The following ACSS1 variants were observed in gnomAD, a reference collection of about 807,000 sequenced individuals.
ACSS1 encodes the protein acyl-CoA synthetase short chain family member 1, also known as acetyl-coenzyme A synthetase 2-like, mitochondrial.
ACSS1 carries 42 observed loss-of-function variants against 75.3 expected under a neutral mutation model. The observed-to-expected ratio is 0.56, with a 90% CI of 0.44 to 0.72. The LOEUF (loss-of-function observed/expected upper bound fraction) is 0.72. Among genes scored for constraint, ACSS1 ranks in the 30% least tolerant of loss-of-function variants. ACSS1 has a pLI of 0.00. For synonymous variants in ACSS1, 380 were observed against 376.8 expected (o/e 1.01, Z -0.10); for missense variants, 782 against 935.7 (o/e 0.84, Z 2.14).
rs765717375 is a variant in ACSS1, at chr20:25,022,925, C to G, written c.960+15G>C. ...TCCCTGCCAAGGGCCCAGCACCGCC[C>G]GCACAGGCCTGTACCTTGTGAGTCA... On this transcript the variant is annotated intron_variant, in intron 5 of 13. Transcript: ENST00000323482. The G allele has an allele frequency of 3.1e-6, 5 of 1,596,124 alleles. No individual in the cohort carries two copies. The highest frequency in any genetic ancestry group is 1.7e-5 in the Admixed American group (1 of 57,868).
chr20:25,057,800 G>A lies in ACSS1; in HGVS notation c.303C>T (p.Gly101=). The change falls in exon 1 of 14, where the codon GGC becomes GGT. Residue 101 remains glycine, a synonymous_variant. Coordinates refer to ENST00000323482, the MANE Select transcript of ACSS1 (RefSeq NM_032501.4). ...WDCDFSTGKI[G]WFLGGQLNVS... is the part of the protein sequence containing the mutation. ...CATTTAACTGGCCTCCCAGGAACCA[G>A]CCGATCTTGCCAGTGCTGAAGTCGC... 1 of 1,594,424 alleles carries A rather than the reference G, an allele frequency of 6.3e-7. No individual in the cohort carries two copies. Among genetic ancestry groups the A allele is most frequent in the Non-Finnish European group, 8.6e-7 (1 of 1,165,598 alleles).
chr20:25,035,739 C>T (rs925777431), intron 2 of ACSS1, among the ~76,000 whole-genome samples: 9 of 152,194 alleles, frequency 5.9e-5, no homozygotes, highest in Non-Finnish European at 8.8e-5. Context: ...TTTAAACTCT[C>T]ATTTTTCATT....
intron 13 of ACSS1, 27 bp downstream of exon 13, chr20:25,009,243 C>A: frequency 6.6e-7 from 1 of 1,526,128 alleles, no homozygotes; most frequent in Non-Finnish European, 9.1e-7. Context: ...AGCAGCACAG[C>A]CCCATCTTTG....
intron 2 of ACSS1, among the ~76,000 whole-genome samples, chr20:25,040,281 G>T (rs1434898688): frequency 6.6e-6 from 1 of 152,202 alleles, no homozygotes; most frequent in Non-Finnish European, 1.5e-5. Context: ...ACAACACAGG[G>T]CAGCCAACTT....
Position 25,030,920 on chromosome 20 carries a change from A to G in ACSS1, c.470T>C (p.Leu157Pro). 1 of 1,614,232 alleles carries G rather than the reference A, an allele frequency of 6.2e-7. No homozygotes were observed. ...LETTCRLANT[L>P]KRHGVHRGDR... ...CCCACGGTGGACTCCATGCCTCTTC[A>G]GCGTGTTGGCCAGGCGGCACGTGGT... Residue 157 changes from leucine (L) to proline (P), a missense_variant, in exon 3 of 14, where the codon CTG becomes CCG. By Grantham distance (98) the Leu-to-Pro change is moderately conservative. This residue lies in a region of ACSS1 where 377 missense variants were observed against 383.1 expected (regional missense o/e 0.98). Coordinates refer to ENST00000323482, the MANE Select transcript of ACSS1 (RefSeq NM_032501.4).
chr20:25,037,005 A>AAAGGAAGG (rs146710264), intron 2 of ACSS1, among the ~76,000 whole-genome samples: 6,958 of 131,874 alleles, frequency 0.053, 401 homozygotes, highest in East Asian at 0.14. Context: ...AAGAAGAAAG[A>AAAGGAAGG]AAGGAAGGAA....
At chr20:25,013,509 T>G (rs763565033) in intron 10 of ACSS1, 27 bp downstream of exon 10, 3 of 1,568,066 alleles carry the variant, frequency 1.9e-6, no homozygotes, top group African/African-American at 1.4e-5. Flanking sequence ...TGAAAAGGAA[T>G]GAGAGGGTCC....
rs777816209 is a variant in ACSS1, at chr20:25,021,425, C to T, written c.1072G>A (p.Val358Ile). Reference sequence around the variant, plus strand: ...TAAACTGGGGTGCTCTCAAAAAGGACGCTGGTGGCACCATTGCAGAGAGGC... The same window carrying T: ...TAAACTGGGGTGCTCTCAAAAAGGATGCTGGTGGCACCATTGCAGAGAGGC... The part of the protein sequence containing the change: ...YGPLCNGATS[V>I]LFESTPVYPN... Residue 358 changes from valine to isoleucine, a missense_variant, in exon 6 of 14, where the codon GTC (valine) becomes ATC (isoleucine). Coordinates refer to ENST00000323482, the MANE Select transcript of ACSS1 (RefSeq NM_032501.4). 37 of 1,614,044 alleles carry T rather than the reference C, an allele frequency of 2.3e-5. No homozygotes were observed. Among genetic ancestry groups the T allele is most frequent in the African/African-American group, 9.3e-5 (7 of 74,924 alleles).
Position 25,007,568 on chromosome 20 carries a change from T to C in ACSS1, c.*194A>G, listed in dbSNP as rs1485434520. ...CCATGTCGCATAGCCTCTCCATGGG[T>C]GACACTCCTGGGACCTCCAATGGAT... On this transcript the variant is annotated 3_prime_UTR_variant, in exon 14 of 14. Transcript: ENST00000323482. The C allele has an allele frequency of 3.5e-6, 5 of 1,425,594 alleles. No homozygotes were observed. The African/African-American group carries it at 7.2e-5, about 20-fold the overall frequency. 88.3% of individuals were successfully genotyped at this position (1,425,594 alleles called of 1,614,324 possible). A position where few individuals can be genotyped will look rare whatever the true frequency, so the allele number is the denominator to read the frequency against.
chr20:25,039,658 C>G (rs1334182272), intron 2 of ACSS1, among the ~76,000 whole-genome samples: 2 of 152,208 alleles, frequency 1.3e-5, no homozygotes, highest in Non-Finnish European at 2.9e-5. Context: ...ACAGGCAGGT[C>G]AAATCCCACA....
At chr20:25,013,040 G>A in intron 10 of ACSS1, 101 bp from the exon 11 acceptor site, 1 of 1,556,144 alleles carries the variant, frequency 6.4e-7, no homozygotes, top group Non-Finnish European at 8.7e-7. Flanking sequence ...CGCGGCTGAA[G>A]TCTCGCCCAT....
At chr20:25,014,596 A>T (rs1307761399) in intron 8 of ACSS1, among the ~76,000 whole-genome samples, 1 of 152,190 alleles carries the variant, frequency 6.6e-6, no homozygotes, top group African/African-American at 2.4e-5. Flanking sequence ...TCAGATAGTT[A>T]CATTCATTAC....
At chr20:25,017,448 G>A (rs1026285932) in intron 7 of ACSS1, among the ~76,000 whole-genome samples, 1 of 152,220 alleles carries the variant, frequency 6.6e-6, no homozygotes, top group Non-Finnish European at 1.5e-5. Context: ...CTGCTCCGAG[G>A]TGCTGGGAGC....
chr20:25,049,585 G>A (rs2089148596), intron 1 of ACSS1, among the ~76,000 whole-genome samples: 1 of 152,120 alleles, frequency 6.6e-6, no homozygotes, highest in Non-Finnish European at 1.5e-5. Flanking sequence ...GCAGGCTCAT[G>A]ACACTTGTCC....
chr20:25,006,637 C>T lies in ACSS1; in HGVS notation c.*1125G>A. ...GGACCCGGCTCACTGGGCCTCCTTC[C>T]CCTGCCAACCGCCAGCCCCTGCATG... is the stretch of plus-strand genomic sequence containing the variant. On this transcript the variant is annotated 3_prime_UTR_variant, in exon 14 of 14. Coordinates refer to ENST00000323482, the MANE Select transcript of ACSS1 (RefSeq NM_032501.4). The T allele has an allele frequency of 3.3e-6, 2 of 615,340 alleles. No individual in the cohort carries two copies. The highest frequency in any genetic ancestry group is 4.4e-5 in the South Asian group (2 of 45,618). 38.1% of individuals were successfully genotyped at this position (615,340 alleles called of 1,614,324 possible). A position where few individuals can be genotyped will look rare whatever the true frequency, so the allele number is the denominator to read the frequency against.
chr20:25,023,153 TC>T (rs2088654474), intron 4 of ACSS1, 61 bp from the exon 5 acceptor site: 1 of 1,548,456 alleles, frequency 6.5e-7, no homozygotes, highest in Admixed American at 1.8e-5. Flanking sequence ...AGAGCAGCAC[TC>T]CCCCTCCGCA....
chr20:25,013,281 T>C (rs763977873), intron 10 of ACSS1, among the ~76,000 whole-genome samples: 41 of 152,180 alleles, frequency 2.7e-4, no homozygotes, highest in Non-Finnish European at 4.9e-4. Context: ...CTGGCTGCAG[T>C]GCAGGACTTC....
intron 8 of ACSS1, 92 bp from the exon 9 acceptor site, chr20:25,014,165 G>T: frequency 1.8e-6 from 2 of 1,108,632 alleles, no homozygotes; most frequent in Non-Finnish European, 2.6e-6. Context: ...TGTCCCTGTT[G>T]TGGGCAAGGA....
In ACSS1 at chr20:25,039,403, T is replaced by C. The variant is rs141355386; in HGVS notation, c.432-8445A>G. ...TTATTCATGTAACATTTTTCTTGAG[T>C]TAGTTCACTTTTTTAATATAAATTT... On this transcript the variant is annotated intron_variant, in intron 2 of 13. Coordinates refer to ENST00000323482, the MANE Select transcript of ACSS1 (RefSeq NM_032501.4). Among the ~76,000 whole-genome samples, 141 of 152,326 alleles carry C rather than the reference T, an allele frequency of 9.3e-4. 1 individual carries two copies. Among genetic ancestry groups the C allele is most frequent in the African/African-American group, 3.3e-3 (138 of 41,562 alleles).
Sources: gnomAD v4.1 joint callset for allele counts (sites outside exome capture counted in the v4.1 genomes callset) on GRCh38, gnomAD v4.1.1 for gene constraint, gnomAD v4.1.1 regional missense constraint, MANE v1.5 for transcripts, NCBI Gene and HGNC (gene_info 2026-07-23, HGNC 2026-07-21) for gene names.